Variants in MAN1A2 observed in about 807,000 individuals in gnomAD.
MAN1A2 encodes mannosidase alpha class 1A member 2, also known as mannosyl-oligosaccharide 1,2-alpha-mannosidase IB.
In MAN1A2, 26 loss-of-function variants were observed where a neutral mutation model predicts 75.7. The ratio of observed to expected loss-of-function variants is 0.34; its 90% CI spans 0.25 to 0.48. The LOEUF (loss-of-function observed/expected upper bound fraction) is 0.48, where lower values mean the gene tolerates loss of function less well. MAN1A2 is among the 20% of genes least tolerant of loss of function. The pLI, the probability that MAN1A2 is intolerant of heterozygous loss-of-function variation, is 0.99. For missense variants in MAN1A2, 562 were observed against 775.5 expected (o/e 0.72, Z 3.27); for synonymous variants, 247 against 264.6 (o/e 0.93, Z 0.65).
intron 1 of MAN1A2, among the ~76,000 whole-genome samples, chr1:117,389,088 A>G (rs1481470588): frequency 1.3e-5 from 2 of 152,202 alleles, no homozygotes; most frequent in African/African-American, 4.8e-5. Context: ...TCAAAATGTC[A>G]ATGAGAATGA....
At chr1:117,417,690 G>GCACACACACACA (rs34249748) in intron 4 of MAN1A2, among the ~76,000 whole-genome samples, 3 of 142,684 alleles carry the variant, frequency 2.1e-5, no homozygotes, top group South Asian at 2.3e-4. Context: ...AAGTAGGCGT[G>GCACACACACACA]CACACACACA....
rs1257064936 is a variant in MAN1A2 at position 117,445,840 on chromosome 1, T to TTG, written c.950+3533_950+3534dup. Among the ~76,000 whole-genome samples, 83 of 79,952 alleles carry TTG rather than the reference T, an allele frequency of 1.0e-3. 1 individual carries two copies. Among genetic ancestry groups the TTG allele is most frequent in the African/African-American group, 2.4e-3 (47 of 19,922 alleles). The allele number at this position is 79,952 out of a possible 152,430, so 52.5% of individuals were successfully genotyped here. ...CTGCACCCTGCCCAAATTTTCATATTTGTGTGTGTGTGTGTGTGTATGTGT... is the reference window on the plus strand; with the variant it reads ...CTGCACCCTGCCCAAATTTTCATATTTGTGTGTGTGTGTGTGTGTGTATGTGT... On this transcript the variant is annotated intron_variant, in intron 6 of 12. Coordinates refer to ENST00000356554, the MANE Select transcript of MAN1A2 (RefSeq NM_006699.5).
At chr1:117,497,789 C>G (rs1651076408) in intron 10 of MAN1A2, among the ~76,000 whole-genome samples, 1 of 151,778 alleles carries the variant, frequency 6.6e-6, no homozygotes, top group Non-Finnish European at 1.5e-5. Context: ...AAGGTTTTCT[C>G]TGGCTTTAAA....
intron 11 of MAN1A2, among the ~76,000 whole-genome samples, chr1:117,500,597 T>C (rs761623089): frequency 2.0e-5 from 3 of 151,822 alleles, no homozygotes; most frequent in Non-Finnish European, 2.9e-5. Flanking sequence ...AGTACACTTA[T>C]TTTTCACCTG....
At chr1:117,435,824 G>A (rs1344935674) in intron 5 of MAN1A2, among the ~76,000 whole-genome samples, 3 of 152,150 alleles carry the variant, frequency 2.0e-5, no homozygotes, top group Non-Finnish European at 4.4e-5. Flanking sequence ...TTGGGAGGCC[G>A]AGGCGGGCGG....
intron 5 of MAN1A2, among the ~76,000 whole-genome samples, chr1:117,435,935 G>A (rs1648832698): frequency 1.3e-5 from 2 of 152,196 alleles, no homozygotes; most frequent in South Asian, 2.1e-4. Context: ...GCAGATGCCT[G>A]TAATCCTGGC....
intron 12 of MAN1A2, among the ~76,000 whole-genome samples, chr1:117,512,004 T>TA (rs2101889979): frequency 6.6e-6 from 1 of 152,216 alleles, no homozygotes; most frequent in African/African-American, 2.4e-5. Flanking sequence ...AGGAGACAGC[T>TA]AAAAAACCCC....
chr1:117,499,318 G>T, intron 10 of MAN1A2, 64 bp from the exon 11 acceptor site: 1 of 1,188,830 alleles, frequency 8.4e-7, no homozygotes, highest in South Asian at 2.2e-5. Flanking sequence ...AGGGAAGAAA[G>T]AAGTCCTTGC....
intron 1 of MAN1A2, among the ~76,000 whole-genome samples, chr1:117,369,141 AT>A (rs1050080372): frequency 1.3e-5 from 2 of 152,172 alleles, no homozygotes; most frequent in Non-Finnish European, 2.9e-5. Context: ...TGTAGACAAG[AT>A]TTATTTTTGT....
chr1:117,390,458 T>C (rs1483654539), intron 1 of MAN1A2, among the ~76,000 whole-genome samples: 1 of 152,010 alleles, frequency 6.6e-6, no homozygotes, highest in African/African-American at 2.4e-5. Context: ...GGATTGTAAT[T>C]ATATCAGTTC....
intron 6 of MAN1A2, among the ~76,000 whole-genome samples, chr1:117,446,769 A>AT (rs1257666344): frequency 6.6e-6 from 1 of 151,934 alleles, no homozygotes; most frequent in Non-Finnish European, 1.5e-5. Context: ...CATTCTGTAT[A>AT]TATCAGTTAG....
intron 12 of MAN1A2, among the ~76,000 whole-genome samples, chr1:117,519,782 C>T (rs1290757421): frequency 2.6e-5 from 4 of 152,144 alleles, no homozygotes; most frequent in South Asian, 4.1e-4. Flanking sequence ...CCTTTTGACA[C>T]TATTCCGCAA....
chr1:117,494,639 A>G (rs541191758), intron 9 of MAN1A2: 35 of 152,190 alleles, frequency 2.3e-4, no homozygotes, highest in African/African-American at 7.5e-4. Flanking sequence ...GTTTATTGAG[A>G]TATTGTGTTA....
intron 8 of MAN1A2, among the ~76,000 whole-genome samples, chr1:117,483,726 G>T (rs1650575409): frequency 6.6e-6 from 1 of 151,936 alleles, no homozygotes; most frequent in Non-Finnish European, 1.5e-5. Flanking sequence ...TCCCCTTTAT[G>T]TCTTTCTCTT....
chr1:117,391,048 T>C (rs970927547), intron 1 of MAN1A2, among the ~76,000 whole-genome samples: 12 of 152,180 alleles, frequency 7.9e-5, no homozygotes, highest in African/African-American at 2.9e-4. Context: ...TTTTGATTTC[T>C]TCTTGGACCT....
chr1:117,429,488 A>AC (rs1480958328), intron 5 of MAN1A2, among the ~76,000 whole-genome samples: 12 of 25,350 alleles, frequency 4.7e-4, no homozygotes, highest in African/African-American at 2.1e-3. Context: ...GGGGGCCGAC[A>AC]CCCCCACCTC....
In MAN1A2 at chr1:117,402,391, G is replaced by A; in HGVS notation, c.508G>A (p.Gly170Arg). The change falls in exon 2 of 13, where the codon GGA (glycine) becomes AGA (arginine). Residue 170 changes from glycine (G) to arginine (R), a missense_variant. Physicochemically the swap from Gly to Arg is moderately radical, Grantham distance 125. Around this residue, in one of 2 missense-constraint regions of MAN1A2, gnomAD observed 434 missense variants for 645.7 expected, o/e 0.67. Coordinates refer to ENST00000356554, the MANE Select transcript of MAN1A2 (RefSeq NM_006699.5). ...TCCCAACCTTGTAGGAATACGTGGT[G>A]GAGACCCAGAAGATAATGACATAAG... ...PIPNLVGIRG[G>R]DPEDNDIREK... The A allele has an allele frequency of 1.2e-6, 2 of 1,612,574 alleles. No homozygotes were observed. Among genetic ancestry groups the A allele is most frequent in the Non-Finnish European group, 1.7e-6 (2 of 1,179,460 alleles).
intron 6 of MAN1A2, among the ~76,000 whole-genome samples, chr1:117,458,125 T>C (rs555501701): frequency 6.6e-6 from 1 of 152,202 alleles, no homozygotes; most frequent in Non-Finnish European, 1.5e-5. Context: ...TTTTCCTTTT[T>C]AATTTTCTTC....
intron 4 of MAN1A2, among the ~76,000 whole-genome samples, chr1:117,418,764 A>G (rs1056636159): frequency 2.6e-5 from 4 of 152,132 alleles, no homozygotes; most frequent in Non-Finnish European, 5.9e-5. Context: ...CTGTCCCTCT[A>G]GAATTTCTGA....
Sources: allele counts gnomAD v4.1 joint callset (sites outside exome capture counted in the v4.1 genomes callset), GRCh38; gene constraint gnomAD v4.1.1; regional missense constraint gnomAD v4.1.1; transcripts MANE v1.5; gene names NCBI Gene and HGNC (gene_info 2026-07-23, HGNC 2026-07-21).